The following NPIPB8 variants were observed in gnomAD, a reference collection of about 807,000 sequenced individuals.
NPIPB8 encodes the protein nuclear pore complex-interacting protein family member B8.
A neutral mutation model predicts 5.3 loss-of-function variants in NPIPB8; 3 were observed. The ratio of observed to expected loss-of-function variants is 0.57; its 90% confidence interval spans 0.26 to 1.47. The LOEUF (loss-of-function observed/expected upper bound fraction) is 1.47, where lower values mean the gene tolerates loss of function less well. Among genes scored for constraint, NPIPB8 ranks in the 40% most tolerant of loss-of-function variants. The probability of loss-of-function intolerance (pLI) is 0.13; values close to 1 mark genes in which losing one functional copy is unlikely to be tolerated. For missense variants in NPIPB8, 50 were observed against 50.2 expected, an observed-to-expected ratio of 1.00 and a Z score of 0.01; for synonymous variants, 18 against 23.0, an observed-to-expected ratio of 0.78 and a Z score of 0.62.
intron 2 of NPIPB8, among the ~76,000 whole-genome samples, chr16:28,643,534 A>ATTTT: frequency 1.4e-4 from 9 of 62,718 alleles, no homozygotes; most frequent in African/African-American, 5.5e-4. Context: ...ATAATTTTGA[A>ATTTT]TTAGCTTTTA....
chr16:28,638,907 A>G (rs1269147861), intron 2 of NPIPB8, among the ~76,000 whole-genome samples: 3 of 149,052 alleles, frequency 2.0e-5, no homozygotes, highest in Non-Finnish European at 3.0e-5. Flanking sequence ...CGTCCCTACT[A>G]AAAATACAAA....
At chr16:28,642,521 G>C (rs1371422385) in intron 2 of NPIPB8, among the ~76,000 whole-genome samples, 59 of 150,678 alleles carry the variant, frequency 3.9e-4, no homozygotes, top group Admixed American at 3.6e-3. Flanking sequence ...GTCTCGCTCT[G>C]TCGCCTAGGC....
At chr16:28,652,509 A>G in intron 5 of NPIPB8, 145 bp downstream of exon 5, 1 of 235,534 alleles carries the variant, frequency 4.2e-6, no homozygotes, top group Non-Finnish European at 7.7e-6. Flanking sequence ...CTGCTTCATT[A>G]GTTTAAGCTG....
intron 2 of NPIPB8, among the ~76,000 whole-genome samples, chr16:28,644,320 A>C (rs2047956123): frequency 1.8e-5 from 2 of 113,342 alleles, no homozygotes; most frequent in African/African-American, 8.0e-5. Context: ...CTTAATTTGA[A>C]CCGGATCCTT....
chr16:28,646,218 T>TC (rs2047994519), intron 2 of NPIPB8, among the ~76,000 whole-genome samples: 1 of 24,822 alleles, frequency 4.0e-5, no homozygotes, highest in East Asian at 1.4e-3. Flanking sequence ...TTTTTTTTTT[T>TC]TTTTTTTTTT....
At chr16:28,644,986 A>G (rs1319672671) in intron 2 of NPIPB8, among the ~76,000 whole-genome samples, 1 of 106,672 alleles carries the variant, frequency 9.4e-6, no homozygotes, top group Non-Finnish European at 2.0e-5. Flanking sequence ...AACAAACAAA[A>G]TGGACCAAAA....
chr16:28,641,244 G>A (rs950238062), intron 2 of NPIPB8, among the ~76,000 whole-genome samples: 39 of 151,388 alleles, frequency 2.6e-4, no homozygotes, highest in Non-Finnish European at 2.2e-4. Context: ...GTACCCTGCC[G>A]GAGCATGAGG....
Position 28,638,138 on chromosome 16 carries a change from G to C in NPIPB8, c.-51G>C, listed in dbSNP as rs1331537143. The C allele has an allele frequency of 3.0e-5, 19 of 642,370 alleles. No individual in the cohort carries two copies. The highest frequency in any genetic ancestry group is 4.4e-5 in the Non-Finnish European group (17 of 384,340). The allele number at this position is 642,370 out of a possible 1,614,324, so 39.8% of individuals were successfully genotyped here. On this transcript the variant is annotated 5_prime_UTR_variant, in exon 1 of 8. Coordinates refer to ENST00000683297, the MANE Select transcript of NPIPB8 (RefSeq NM_001310136.2). ...GAAACTATTGTTCCTGTTTCACACA[G>C]AAGAAAACTGAGGTTAAAAGGGGTA...
intron 2 of NPIPB8, among the ~76,000 whole-genome samples, chr16:28,641,459 G>C (rs2370361): frequency 1.4e-5 from 2 of 143,178 alleles, no homozygotes; most frequent in Non-Finnish European, 3.2e-5. Flanking sequence ...AGATGGACCT[G>C]CACCCTGGGG....
chr16:28,640,068 C>G (rs1165729712), intron 2 of NPIPB8, among the ~76,000 whole-genome samples: 1 of 151,522 alleles, frequency 6.6e-6, no homozygotes, highest in Non-Finnish European at 1.5e-5. Context: ...AGAGTTGAAA[C>G]TGAGGCTCAG....
chr16:28,640,630 G>A (rs1001529869), intron 2 of NPIPB8, among the ~76,000 whole-genome samples: 1 of 152,138 alleles, frequency 6.6e-6, no homozygotes, highest in Non-Finnish European at 1.5e-5. Context: ...AGGGGCAGAG[G>A]AAGAGAGTGG....
At chr16:28,641,980 G>A (rs954256958) in intron 2 of NPIPB8, among the ~76,000 whole-genome samples, 2 of 147,676 alleles carry the variant, frequency 1.4e-5, no homozygotes, top group Admixed American at 1.4e-4. Flanking sequence ...CTATGATCAC[G>A]GTGACTCTAG....
intron 2 of NPIPB8, chr16:28,644,776 C>A: frequency 2.2e-6 from 1 of 462,040 alleles, no homozygotes; most frequent in Non-Finnish European, 3.6e-6. Flanking sequence ...GGGCAGATCA[C>A]TTGAGTCCAG....
At chr16:28,640,598 C>T (rs2047879048) in intron 2 of NPIPB8, among the ~76,000 whole-genome samples, 1 of 152,130 alleles carries the variant, frequency 6.6e-6, no homozygotes, top group African/African-American at 2.4e-5. Flanking sequence ...CATATGGTGT[C>T]AGCCTGCATG....
chr16:28,640,100 G>C (rs1366040355), intron 2 of NPIPB8, among the ~76,000 whole-genome samples: 2 of 151,792 alleles, frequency 1.3e-5, no homozygotes, highest in Non-Finnish European at 2.9e-5. Context: ...TAAGCCTGAG[G>C]TTACAGTCAA....
chr16:28,645,121 G>A lies in NPIPB8; in HGVS notation c.121-3014G>A, dbSNP rs534527224. 3.7e-3 allele frequency among the ~76,000 whole-genome samples: 476 copies of A among 128,988 alleles called. 36 individuals are homozygous for A. Among genetic ancestry groups the A allele is most frequent in the African/African-American group, 0.012 (437 of 35,032 alleles). 84.6% of individuals were successfully genotyped at this position (128,988 alleles called of 152,430 possible). A position where few individuals can be genotyped will look rare whatever the true frequency, so the allele number is the denominator to read the frequency against. Reference sequence around the variant, plus strand: ...TGCAGTGGCAAGATCTCGGCTCACTGCAACCTCCGCTTCCGGGGTTCAAGC... The same window carrying A: ...TGCAGTGGCAAGATCTCGGCTCACTACAACCTCCGCTTCCGGGGTTCAAGC... On this transcript the variant is annotated intron_variant, in intron 2 of 7. Transcript: ENST00000683297.
intron 2 of NPIPB8, chr16:28,644,548 C>A (rs1488069752): frequency 1.3e-6 from 2 of 1,488,510 alleles, no homozygotes; most frequent in Non-Finnish European, 1.8e-6. Flanking sequence ...CCACCTCCAC[C>A]TCTGTCCTGG....
Position 28,638,528 on chromosome 16 carries a change from C to T in NPIPB8, c.120+48C>T, listed in dbSNP as rs1318958403. 1.3e-5 allele frequency: 20 copies of T among 1,500,410 alleles called. 2 individuals carry two copies. The highest frequency in any genetic ancestry group is 2.8e-5 in the African/African-American group (2 of 70,272). The allele number at this position is 1,500,410 out of a possible 1,614,324, so 92.9% of individuals were successfully genotyped here. A position where few individuals can be genotyped will look rare whatever the true frequency, so the allele number is the denominator to read the frequency against. On this transcript the variant is annotated intron_variant, in intron 2 of 7. Transcript: ENST00000683297. ...GGGCCTGGTGCCCTTGAGCAGTTCC[C>T]GGGTCTCAGCTGCCACACATCTCAT...
intron 2 of NPIPB8, among the ~76,000 whole-genome samples, chr16:28,642,362 C>T (rs1409067681): frequency 6.6e-6 from 1 of 152,102 alleles, no homozygotes; most frequent in Non-Finnish European, 1.5e-5. Context: ...CCTCAGCCTC[C>T]CAGAGTGCTG....
Sources: gnomAD v4.1 joint callset for allele counts (sites outside exome capture counted in the v4.1 genomes callset) on GRCh38, gnomAD v4.1.1 for gene constraint, MANE v1.5 for transcripts, NCBI Gene and HGNC (gene_info 2026-07-23, HGNC 2026-07-21) for gene names.